The following ANK2 variants were observed in gnomAD, a reference collection of about 807,000 sequenced individuals.
ANK2 encodes the protein ankyrin 2, also known as ankyrin-2.
A neutral mutation model predicts 360.5 loss-of-function variants in ANK2; 83 were observed. The observed-to-expected ratio is 0.23, with a 90% CI of 0.19 to 0.28. ANK2 has a LOEUF of 0.28. Ranked by LOEUF, ANK2 falls within the 10% of genes least tolerant of loss-of-function variation. The pLI is 1.00. For synonymous variants in ANK2, 1,740 were observed against 1,759.5 expected (o/e 0.99, Z 0.28); for missense variants, 4,201 against 4,795.7 (o/e 0.88, Z 3.66).
At chr4:113,315,424 T>C (rs2082224342) in intron 24 of ANK2, among the ~76,000 whole-genome samples, 1 of 152,198 alleles carries the variant, frequency 6.6e-6, no homozygotes, top group African/African-American at 2.4e-5. Flanking sequence ...TTATTTACCA[T>C]TCAGTTTGTT....
intron 18 of ANK2, among the ~76,000 whole-genome samples, chr4:113,285,334 C>G (rs1280575128): frequency 6.6e-6 from 1 of 152,036 alleles, no homozygotes; most frequent in African/African-American, 2.4e-5. Flanking sequence ...AGTGTTAGAT[C>G]CCTTCAGTTG....
chr4:113,090,226 T>C (rs1316942134), intron 1 of ANK2, among the ~76,000 whole-genome samples: 2 of 152,210 alleles, frequency 1.3e-5, no homozygotes, highest in East Asian at 3.8e-4. Context: ...ATAGATTTCA[T>C]AAAAATCTCA....
chr4:112,772,953 A>G, the ANK2 span, among the ~76,000 whole-genome samples: 5 of 152,208 alleles, frequency 3.3e-5, no homozygotes, highest in Non-Finnish European at 7.3e-5. Flanking sequence ...ACAGATTCCT[A>G]TTGCATATGT....
At position 112,857,682 on chromosome 4, in the gene ANK2, A is replaced by G. The variant is rs537892000; in HGVS notation, c.-40+39418A>G. On this transcript the variant is annotated intron_variant, in intron 1 of 30. Transcript: ENST00000503271. Reference sequence around the variant, plus strand: ...CCTGCTGATGAGTCACCTCCTACTGATTAGAAACAGAGTAAGAGAATGTTA... The same window carrying G: ...CCTGCTGATGAGTCACCTCCTACTGGTTAGAAACAGAGTAAGAGAATGTTA... 5.9e-5 allele frequency among the ~76,000 whole-genome samples: 9 copies of G among 152,274 alleles called. No individual in the cohort carries two copies. In the South Asian group the frequency reaches 1.5e-3, roughly 25 times the overall value.
chr4:112,749,684 CTG>C, the ANK2 span, among the ~76,000 whole-genome samples: 4 of 152,136 alleles, frequency 2.6e-5, no homozygotes, highest in African/African-American at 4.8e-5. Flanking sequence ...ATTTTAGACA[CTG>C]AGATTTATCA....
At chr4:113,153,707 G>A (rs1243680248) in intron 1 of ANK2, among the ~76,000 whole-genome samples, 2 of 152,198 alleles carry the variant, frequency 1.3e-5, no homozygotes, top group African/African-American at 4.8e-5. Context: ...GAAAAGTCTA[G>A]TTAATCCTTT....
chr4:112,757,818 C>A, the ANK2 span, among the ~76,000 whole-genome samples: 4 of 151,846 alleles, frequency 2.6e-5, no homozygotes, highest in South Asian at 8.3e-4. Flanking sequence ...GATTGAGAAG[C>A]GCTATACGTA....
intron 1 of ANK2, among the ~76,000 whole-genome samples, chr4:113,157,880 G>C (rs1269390855): frequency 6.6e-6 from 1 of 152,116 alleles, no homozygotes; most frequent in Non-Finnish European, 1.5e-5. Context: ...ATGAGACCTT[G>C]GTTTTCTCAT....
chr4:112,775,689 T>C, the ANK2 span, among the ~76,000 whole-genome samples: 1 of 152,198 alleles, frequency 6.6e-6, no homozygotes. Context: ...GATGGAAGTA[T>C]ATCACTTTAA....
At chr4:112,761,477 T>A in the ANK2 span, among the ~76,000 whole-genome samples, 1 of 151,990 alleles carries the variant, frequency 6.6e-6, no homozygotes, top group Non-Finnish European at 1.5e-5. Context: ...AAAATTAGCT[T>A]GATGTGGTGG....
At chr4:112,972,732 C>T (rs1005322191) in intron 2 of ANK2, among the ~76,000 whole-genome samples, 4 of 152,070 alleles carry the variant, frequency 2.6e-5, no homozygotes, top group Non-Finnish European at 5.9e-5. Context: ...ATGTTTATAG[C>T]AGCACAATTT....
At chr4:113,009,954 A>G (rs2054184189) in intron 2 of ANK2, among the ~76,000 whole-genome samples, 1 of 151,968 alleles carries the variant, frequency 6.6e-6, no homozygotes, top group Admixed American at 6.6e-5. Context: ...ACACTCACAC[A>G]CACGTGCTTG....
the ANK2 span, among the ~76,000 whole-genome samples, chr4:112,727,252 GA>G: frequency 6.6e-6 from 1 of 151,938 alleles, no homozygotes; most frequent in Non-Finnish European, 1.5e-5. Flanking sequence ...ATAGCCTTTG[GA>G]AAGTTATAAA....
chr4:113,286,424 G>A (rs376149992), intron 18 of ANK2, among the ~76,000 whole-genome samples: 1 of 152,152 alleles, frequency 6.6e-6, no homozygotes, highest in South Asian at 2.1e-4. Context: ...CTCCTCTCAC[G>A]TTGTAGAATG....
chr4:113,114,578 T>TA (rs1253303796), intron 1 of ANK2, among the ~76,000 whole-genome samples: 2 of 152,062 alleles, frequency 1.3e-5, no homozygotes, highest in African/African-American at 4.8e-5. Flanking sequence ...TTTTACTTAT[T>TA]AAGTTGAAGT....
chr4:113,261,733 C>T (rs2053032051), intron 13 of ANK2, among the ~76,000 whole-genome samples: 1 of 151,940 alleles, frequency 6.6e-6, no homozygotes, highest in Admixed American at 6.6e-5. Context: ...GAATTTAAGC[C>T]TTAGTGCTTT....
At chr4:112,786,091 C>T in the ANK2 span, among the ~76,000 whole-genome samples, 1 of 152,122 alleles carries the variant, frequency 6.6e-6, no homozygotes, top group Non-Finnish European at 1.5e-5. Flanking sequence ...ATCCGGCCAC[C>T]TCAGCCTCCT....
chr4:112,779,289 C>T, the ANK2 span, among the ~76,000 whole-genome samples: 8 of 152,148 alleles, frequency 5.3e-5, no homozygotes, highest in African/African-American at 1.7e-4. Flanking sequence ...GAGGCTGAGG[C>T]GGGCAGATCA....
chr4:113,247,689 C>T (rs362496), intron 9 of ANK2, among the ~76,000 whole-genome samples: 106,383 of 152,076 alleles, frequency 0.7, 37,470 homozygotes, highest in South Asian at 0.78. Context: ...CTATGTATCA[C>T]GAAGCTCAGC....
Sources: allele counts gnomAD v4.1 joint callset (sites outside exome capture counted in the v4.1 genomes callset), GRCh38; gene constraint gnomAD v4.1.1; transcripts MANE v1.5; gene names NCBI Gene and HGNC (gene_info 2026-07-23, HGNC 2026-07-21).